The following DMD variants were observed in gnomAD, a reference collection of about 807,000 sequenced individuals.
The protein encoded by DMD is mutant dystrophin.
A neutral mutation model predicts 330.1 loss-of-function variants in DMD; 63 were observed. The observed-to-expected ratio is 0.19, with a 90% CI of 0.16 to 0.24. The LOEUF (loss-of-function observed/expected upper bound fraction) is 0.24. Ranked by LOEUF, DMD falls within the 10% of genes least tolerant of loss-of-function variation. DMD has a pLI of 1.00. For missense variants in DMD, 3,344 were observed against 2,684.1 expected (o/e 1.25, Z -5.43); for synonymous variants, 1,223 against 959.8 (o/e 1.27, Z -5.07).
intron 7 of DMD, among the ~76,000 whole-genome samples, chrX:32,801,993 C>G (rs775370194): frequency 4.5e-5 from 5 of 111,786 alleles, no homozygotes; most frequent in African/African-American, 1.6e-4. Context: ...GCAATGCAGG[C>G]TCTTTTTTAG....
intron 44 of DMD, among the ~76,000 whole-genome samples, chrX:31,980,134 G>T (rs902465162): frequency 8.9e-6 from 1 of 111,778 alleles, no homozygotes; most frequent in African/African-American, 3.3e-5. Context: ...AACTGTTTAG[G>T]TGCTGTTTGA....
At chrX:31,403,090 C>A (rs1267790125) in intron 60 of DMD, among the ~76,000 whole-genome samples, 1 of 111,939 alleles carries the variant, frequency 8.9e-6, no homozygotes, top group Non-Finnish European at 1.9e-5. Context: ...CTTTTAGAAT[C>A]ATCAAAAAAT....
chrX:31,458,327 A>C (rs2066312171), intron 59 of DMD, among the ~76,000 whole-genome samples: 1 of 110,678 alleles, frequency 9.0e-6, no homozygotes, highest in African/African-American at 3.3e-5. Flanking sequence ...TATTTTCAAG[A>C]TATTATTCTG....
intron 16 of DMD, among the ~76,000 whole-genome samples, chrX:32,556,612 G>A (rs753739681): frequency 2.7e-5 from 3 of 111,505 alleles, no homozygotes; most frequent in Non-Finnish European, 5.7e-5. Context: ...TTACACCAAG[G>A]AATACTATAA....
chrX:32,555,074 C>G lies in DMD; in HGVS notation c.1993-9740G>C, dbSNP rs763950826. 3.7e-5 allele frequency among the ~76,000 whole-genome samples: 4 copies of G among 109,493 alleles called. No individual in the cohort carries two copies. The South Asian group carries it at 1.7e-3, about 45-fold the overall frequency. On this transcript the variant is annotated intron_variant, in intron 16 of 78. Transcript: ENST00000357033. ...AATTCTCAATACCAGCAAACCAAATCCAGTAGCATATCAAAAAGCTTATCC... is the reference window on the plus strand; with the variant it reads ...AATTCTCAATACCAGCAAACCAAATGCAGTAGCATATCAAAAAGCTTATCC...
At chrX:32,454,488 G>T (rs2098347238) in intron 26 of DMD, among the ~76,000 whole-genome samples, 174 bp downstream of exon 26, 1 of 110,477 alleles carries the variant, frequency 9.1e-6, no homozygotes, top group South Asian at 3.7e-4. Flanking sequence ...ACAGTTTAAG[G>T]TTGTTAAAAT....
At chrX:31,341,884 C>T (rs982432172) in intron 61 of DMD, among the ~76,000 whole-genome samples, 7 of 70,983 alleles carry the variant, frequency 9.9e-5, no homozygotes, top group Non-Finnish European at 5.5e-5. Context: ...CGCGTGCGTG[C>T]GCGCGCGCAC....
chrX:32,735,788 C>T (rs1260369195), intron 7 of DMD, among the ~76,000 whole-genome samples: 4 of 111,757 alleles, frequency 3.6e-5, no homozygotes, highest in Admixed American at 9.5e-5. Context: ...AAAACTTAAA[C>T]GTTAGACCTA....
intron 50 of DMD, among the ~76,000 whole-genome samples, chrX:31,813,018 C>G (rs1170712765): frequency 8.9e-6 from 1 of 111,844 alleles, no homozygotes; most frequent in African/African-American, 3.2e-5. Context: ...AGCTGCAGAG[C>G]TGAAGATACA....
chrX:31,649,794 T>C (rs1466528575), intron 54 of DMD, among the ~76,000 whole-genome samples: 3 of 111,082 alleles, frequency 2.7e-5, no homozygotes, highest in Non-Finnish European at 5.7e-5. Context: ...TACTGCTAAG[T>C]GTACCTAAAG....
At chrX:32,998,783 TATAAC>T (rs758428592) in intron 2 of DMD, among the ~76,000 whole-genome samples, 66 of 111,948 alleles carry the variant, frequency 5.9e-4, no homozygotes, top group African/African-American at 2.0e-3. Flanking sequence ...AATCACTACA[TATAAC>T]ATATTCTCCA....
intron 2 of DMD, among the ~76,000 whole-genome samples, chrX:32,886,758 C>G (rs1269875210): frequency 1.8e-5 from 2 of 111,825 alleles, no homozygotes; most frequent in Non-Finnish European, 3.8e-5. Flanking sequence ...AAATGGTCTA[C>G]TGGGTTATTT....
intron 61 of DMD, among the ~76,000 whole-genome samples, chrX:31,336,064 C>T: frequency 8.9e-6 from 1 of 112,770 alleles, no homozygotes; most frequent in Non-Finnish European, 1.9e-5. Flanking sequence ...GGTGAGGCAG[C>T]TGATGCAATT....
At chrX:32,887,765 A>AAAAAAAAAAAAAAAAAAAAAAC (rs2084788616) in intron 2 of DMD, among the ~76,000 whole-genome samples, 1 of 101,312 alleles carries the variant, frequency 9.9e-6, no homozygotes, top group African/African-American at 3.7e-5. Context: ...AAAAAAAAAA[A>AAAAAAAAAAAAAAAAAAAAAAC]AAAAAAAAAA....
chrX:31,629,116 T>TTAC (rs1362094890), intron 54 of DMD, among the ~76,000 whole-genome samples: 1 of 111,074 alleles, frequency 9.0e-6, no homozygotes, highest in East Asian at 2.8e-4. Context: ...TTGCCTTCTA[T>TTAC]TACTACACAA....
chrX:31,911,724 G>A (rs886274252), intron 47 of DMD, among the ~76,000 whole-genome samples: 1 of 111,478 alleles, frequency 9.0e-6, no homozygotes, highest in Non-Finnish European at 1.9e-5. Context: ...TTTTTCAAAG[G>A]AGATAAGAGT....
chrX:31,815,461 G>GA (rs1363405132), intron 50 of DMD, among the ~76,000 whole-genome samples: 24 of 85,757 alleles, frequency 2.8e-4, no homozygotes, highest in African/African-American at 1.1e-3. Context: ...AAAAAAAAGA[G>GA]AGAGAGAGAG....
At position 32,823,281 on chromosome X, in the gene DMD, A is replaced by C. The variant is rs949888571; in HGVS notation, c.357+14T>G. 8.5e-7 allele frequency: 1 copy of C among 1,179,720 alleles called. No individual in the cohort carries two copies. The highest frequency in any genetic ancestry group is 1.2e-6 in the Non-Finnish European group (1 of 866,528). On this transcript the variant is annotated intron_variant, in intron 5 of 78. Transcript: ENST00000357033. ...AATGTTACCCAAAAGGAAACCATTC[A>C]TCAGGATTCTTACCTGCCAGTGGAG...
chrX:32,314,088 A>C (rs2097574264), intron 41 of DMD, among the ~76,000 whole-genome samples: 2 of 111,963 alleles, frequency 1.8e-5, no homozygotes, highest in Non-Finnish European at 3.8e-5. Flanking sequence ...CCATATAGCC[A>C]AGAAAATCCT....
Sources: allele counts gnomAD v4.1 joint callset (sites outside exome capture counted in the v4.1 genomes callset), GRCh38; gene constraint gnomAD v4.1.1; transcripts MANE v1.5; gene names NCBI Gene and HGNC (gene_info 2026-07-23, HGNC 2026-07-21).